ACYP2: variants seen among roughly 807,000 people sequenced by gnomAD.
ACYP2 encodes the protein acylphosphatase-2.
Under a neutral mutation model 11.2 loss-of-function variants are expected in ACYP2, and 12 were observed. That is an observed-to-expected ratio of 1.08 (90% CI 0.69 to 1.74). The LOEUF is 1.74. ACYP2 is among the 40% of genes most tolerant of loss of function. The pLI is 0.00. For synonymous variants in ACYP2, 43 were observed against 32.2 expected, an observed-to-expected ratio of 1.33 and a Z score of -1.13; for missense variants, 134 against 101.9, an observed-to-expected ratio of 1.31 and a Z score of -1.35.
intron 6 of ACYP2, among the ~76,000 whole-genome samples, chr2:54,198,785 C>T (rs1684625993): frequency 6.6e-6 from 1 of 152,150 alleles, no homozygotes; most frequent in African/African-American, 2.4e-5. Context: ...ACTGATATTA[C>T]CGAACTTACA....
intron 6 of ACYP2, among the ~76,000 whole-genome samples, chr2:54,252,952 A>G (rs1208507600): frequency 2.6e-5 from 4 of 152,070 alleles, no homozygotes; most frequent in South Asian, 2.1e-4. Flanking sequence ...TCACAAAACA[A>G]TCTCACAAGC....
intron 2 of ACYP2, among the ~76,000 whole-genome samples, chr2:54,002,204 T>A (rs934962193): frequency 6.6e-6 from 1 of 152,242 alleles, no homozygotes; most frequent in African/African-American, 2.4e-5. Flanking sequence ...CTGATCTTTT[T>A]ACTGTCTCCA....
chr2:53,997,273 C>T (rs933570444), intron 2 of ACYP2, among the ~76,000 whole-genome samples: 8 of 152,036 alleles, frequency 5.3e-5, no homozygotes, highest in African/African-American at 1.9e-4. Flanking sequence ...CAATATGTCT[C>T]GCCCTTGTTC....
intron 2 of ACYP2, among the ~76,000 whole-genome samples, chr2:53,984,384 C>T (rs1018893339): frequency 6.6e-6 from 1 of 151,798 alleles, no homozygotes; most frequent in Non-Finnish European, 1.5e-5. Context: ...TTGAGACTAG[C>T]CTGGCCAGCA....
chr2:54,213,178 G>C (rs1302683910), intron 6 of ACYP2, among the ~76,000 whole-genome samples: 1 of 152,056 alleles, frequency 6.6e-6, no homozygotes. Flanking sequence ...ATTTTTAAGA[G>C]AGAACATTGG....
chr2:54,057,573 A>G lies in ACYP2; in HGVS notation c.277+213A>G, dbSNP rs138324966. 1.3e-3 allele frequency among the ~76,000 whole-genome samples: 204 copies of G among 152,358 alleles called. No homozygotes were observed. The Middle Eastern group carries it at 0.02, about 15-fold the overall frequency. On this transcript the variant is annotated intron_variant, in intron 4 of 6. Transcript: ENST00000607452. ...GTTTTTTACAGTCATGTAAGCACTGACAGACTGTTCTGTCTACCAGAGAAG... is the reference window on the plus strand; with the variant it reads ...GTTTTTTACAGTCATGTAAGCACTGGCAGACTGTTCTGTCTACCAGAGAAG...
chr2:54,098,076 C>T (rs1215182936), intron 4 of ACYP2, among the ~76,000 whole-genome samples: 1 of 151,578 alleles, frequency 6.6e-6, no homozygotes, highest in Non-Finnish European at 1.5e-5. Flanking sequence ...AATTCTCCTG[C>T]CTCAGCCTCC....
intron 6 of ACYP2, among the ~76,000 whole-genome samples, chr2:54,174,001 T>A (rs1252339998): frequency 2.0e-5 from 3 of 152,184 alleles, no homozygotes; most frequent in African/African-American, 7.2e-5. Flanking sequence ...CTTAGGATTG[T>A]CTTGGCAATG....
At chr2:54,279,258 C>A (rs763981801) in intron 6 of ACYP2, among the ~76,000 whole-genome samples, 9 of 152,132 alleles carry the variant, frequency 5.9e-5, no homozygotes, top group Non-Finnish European at 8.8e-5. Flanking sequence ...TTTTGTAAAT[C>A]AAGTTGTACT....
chr2:54,241,734 C>T (rs933117937), intron 6 of ACYP2, among the ~76,000 whole-genome samples: 4 of 152,158 alleles, frequency 2.6e-5, no homozygotes, highest in Admixed American at 1.3e-4. Flanking sequence ...CAGCTGAGGC[C>T]AGGCGCAGTG....
chr2:54,095,462 C>T (rs1346962854), intron 4 of ACYP2, among the ~76,000 whole-genome samples: 3 of 151,588 alleles, frequency 2.0e-5, no homozygotes, highest in Admixed American at 6.6e-5. Context: ...TAGGGGCGGC[C>T]GGGCAGAGGC....
intron 6 of ACYP2, among the ~76,000 whole-genome samples, chr2:54,302,445 C>T (rs941466876): frequency 2.6e-5 from 4 of 152,174 alleles, no homozygotes; most frequent in African/African-American, 9.7e-5. Flanking sequence ...CCTTCTCTGC[C>T]TTTCCTGGTT....
chr2:54,230,604 G>T (rs1187080720), intron 6 of ACYP2, among the ~76,000 whole-genome samples: 1 of 151,976 alleles, frequency 6.6e-6, no homozygotes, highest in Non-Finnish European at 1.5e-5. Context: ...AACCTCAGGT[G>T]ATTTGCCCAC....
At chr2:54,071,947 G>A (rs942483011) in intron 4 of ACYP2, among the ~76,000 whole-genome samples, 3 of 152,054 alleles carry the variant, frequency 2.0e-5, no homozygotes, top group African/African-American at 4.8e-5. Context: ...GGAGGCGGAG[G>A]TTGCAGTGAG....
intron 4 of ACYP2, 73 bp from the exon 1 acceptor site, chr2:54,115,542 C>A: frequency 6.6e-7 from 1 of 1,509,510 alleles, no homozygotes. Context: ...TCTCATTTGC[C>A]GCTTCCGACG....
At chr2:54,066,093 C>G (rs1676733442) in intron 4 of ACYP2, 1 of 152,336 alleles carries the variant, frequency 6.6e-6, no homozygotes, top group East Asian at 1.9e-4. Context: ...GACTCTCACT[C>G]TGATATGGTT....
intron 6 of ACYP2, among the ~76,000 whole-genome samples, chr2:54,280,065 G>T (rs1264039949): frequency 6.6e-6 from 1 of 152,006 alleles, no homozygotes; most frequent in African/African-American, 2.4e-5. Context: ...CCAACAATAG[G>T]AGATATCCAG....
At chr2:54,080,305 T>C (rs1308050387) in intron 4 of ACYP2, 1 of 152,274 alleles carries the variant, frequency 6.6e-6, no homozygotes, top group Non-Finnish European at 1.5e-5. Flanking sequence ...CTAAAAACAA[T>C]ATTTTTATTG....
intron 2 of ACYP2, among the ~76,000 whole-genome samples, chr2:53,990,223 C>T (rs1672222012): frequency 6.6e-6 from 1 of 152,018 alleles, no homozygotes; most frequent in Non-Finnish European, 1.5e-5. Context: ...AAGTGACTTA[C>T]CCGCCTCGGC....
Sources: allele counts gnomAD v4.1 joint callset (sites outside exome capture counted in the v4.1 genomes callset), GRCh38; gene constraint gnomAD v4.1.1; transcripts MANE v1.5; gene names NCBI Gene and HGNC (gene_info 2026-07-23, HGNC 2026-07-21).